AFF2: variants seen among roughly 807,000 people sequenced by gnomAD.
AFF2 encodes the protein ALF transcription elongation factor 2, also known as AF4/FMR2 family member 2.
Under a neutral mutation model 76.9 loss-of-function variants are expected in AFF2, and 14 were observed. That is an observed-to-expected ratio of 0.18 (90% CI 0.12 to 0.28). AFF2 has a LOEUF of 0.28. Among genes scored for constraint, AFF2 ranks in the 10% least tolerant of loss-of-function variants. AFF2 has a pLI of 1.00. For missense variants in AFF2, 868 were observed against 1,001.1 expected, an observed-to-expected ratio of 0.87 and a Z score of 1.79; for synonymous variants, 398 against 366.7, an observed-to-expected ratio of 1.09 and a Z score of -0.98.
rs189569346 is a variant in AFF2, at chrX:148,825,331, T to A, written c.1087-12316T>A. Among the ~76,000 whole-genome samples, 45 of 111,873 alleles carry A rather than the reference T, an allele frequency of 4.0e-4. No individual in the cohort carries two copies. The East Asian group carries it at 0.011, about 28-fold the overall frequency. On this transcript the variant is annotated intron_variant, in intron 4 of 20. Coordinates refer to ENST00000370460, the MANE Select transcript of AFF2 (RefSeq NM_002025.4). ...GAGAACAAGAAAAACTACTTCTCTGTATTATTGAGTGGATTAAATATGGTA... is the reference window on the plus strand; with the variant it reads ...GAGAACAAGAAAAACTACTTCTCTGAATTATTGAGTGGATTAAATATGGTA...
At chrX:148,750,312 CT>C (rs1263667312) in intron 3 of AFF2, among the ~76,000 whole-genome samples, 1 of 111,339 alleles carries the variant, frequency 9.0e-6, no homozygotes, top group African/African-American at 3.3e-5. Flanking sequence ...ATGCAGTCGT[CT>C]TTTCTGGGAC....
chrX:148,614,481 C>T (rs1271298859), intron 1 of AFF2, among the ~76,000 whole-genome samples: 1 of 111,189 alleles, frequency 9.0e-6, no homozygotes, highest in Non-Finnish European at 1.9e-5. Context: ...TTACCTCATC[C>T]TAGCCAGCAG....
At position 148,967,719 on chromosome X, in the gene AFF2, G is replaced by A. The variant is rs553990896; in HGVS notation, c.3267+27G>A. 5.3e-4 allele frequency: 628 copies of A among 1,177,159 alleles called. 2 individuals are homozygous for A. The South Asian group carries it at 0.011, about 21-fold the overall frequency. On this transcript the variant is annotated intron_variant, in intron 15 of 20. Transcript: ENST00000370460. ...TAAGTTTCCTTTTTCTCATTGCTTT[G>A]TTCCTATTAAGGATTTATGTTTCAA...
chrX:148,958,550 A>T lies in AFF2; in HGVS notation c.2690+92A>T, dbSNP rs2072070383. On this transcript the variant is annotated intron_variant, in intron 12 of 20. Transcript: ENST00000370460. ...GAACCTGTTTGGGGGATCTTGCCCCAGAAGACTTTAAGGTAAAAAACAGGA... is the reference window on the plus strand; with the variant it reads ...GAACCTGTTTGGGGGATCTTGCCCCTGAAGACTTTAAGGTAAAAAACAGGA... 3.7e-6 allele frequency: 4 copies of T among 1,086,449 alleles called. No homozygotes were observed. In the African/African-American group the frequency reaches 5.6e-5, roughly 15 times the overall value. The allele number at this position is 1,086,449 out of a possible 1,213,427, so 89.5% of individuals were successfully genotyped here.
At position 148,991,497 on chromosome X, in the gene AFF2, A is replaced by G; in HGVS notation, c.*165A>G. 2 of 595,329 alleles carry G rather than the reference A, an allele frequency of 3.4e-6. No individual in the cohort carries two copies. Among genetic ancestry groups the G allele is most frequent in the Admixed American group, 4.4e-5 (1 of 22,820 alleles). The allele number at this position is 595,329 out of a possible 1,213,427, so 49.1% of individuals were successfully genotyped here. A position where few individuals can be genotyped will look rare whatever the true frequency, so the allele number is the denominator to read the frequency against. ...AAAACAGAAGTCATTGTAAGTTGACACTACAACTTAAGGGCAGTGTACGTT... is the reference window on the plus strand; with the variant it reads ...AAAACAGAAGTCATTGTAAGTTGACGCTACAACTTAAGGGCAGTGTACGTT... On this transcript the variant is annotated 3_prime_UTR_variant, in exon 21 of 21. Transcript: ENST00000370460.
intron 1 of AFF2, among the ~76,000 whole-genome samples, chrX:148,560,027 G>A (rs1557240307): frequency 8.9e-6 from 1 of 112,173 alleles, no homozygotes; most frequent in Non-Finnish European, 1.9e-5. Flanking sequence ...CTAATGACCA[G>A]TGATGGTGAG....
At chrX:148,606,439 G>T (rs1268799773) in intron 1 of AFF2, among the ~76,000 whole-genome samples, 1 of 110,243 alleles carries the variant, frequency 9.1e-6, no homozygotes, top group African/African-American at 3.3e-5. Flanking sequence ...ACTAAGGAAA[G>T]GTAGTCAGAG....
At chrX:148,539,096 G>A in intron 1 of AFF2, among the ~76,000 whole-genome samples, 1 of 111,633 alleles carries the variant, frequency 9.0e-6, no homozygotes, top group Middle Eastern at 4.7e-3. Context: ...GCATGTGATG[G>A]GTTATAGAGT....
At chrX:148,630,829 C>G (rs1362191161) in intron 1 of AFF2, among the ~76,000 whole-genome samples, 1 of 112,194 alleles carries the variant, frequency 8.9e-6, no homozygotes, top group Non-Finnish European at 1.9e-5. Context: ...ACCTGTTCTT[C>G]ATAGCTGCCA....
In AFF2 at chrX:148,971,964, C is replaced by T. The variant is rs1435741297; in HGVS notation, c.3268-1507C>T. ...ACAGTCCCCAGAGTGTGATATTCCC[C>T]TTCCTGTGTCCATGTGATCTCATTG... is the stretch of plus-strand genomic sequence containing the variant. On this transcript the variant is annotated intron_variant, in intron 15 of 20. Transcript: ENST00000370460. 5.8e-3 allele frequency among the ~76,000 whole-genome samples: 136 copies of T among 23,506 alleles called. 1 individual carries two copies. Among genetic ancestry groups the T allele is most frequent in the African/African-American group, 0.021 (109 of 5,173 alleles). 20.4% of individuals were successfully genotyped at this position (23,506 alleles called of 115,157 possible).
chrX:148,648,561 CAAAAAAA>C (rs1241628949), intron 1 of AFF2, among the ~76,000 whole-genome samples: 25 of 23,051 alleles, frequency 1.1e-3, no homozygotes, highest in South Asian at 2.9e-3. Context: ...AAAACTCCGT[CAAAAAAA>C]AAAAAAAAAA....
Position 148,614,738 on chromosome X carries a change from T to TTTTCTTTCTTTCTTTCTTTC in AFF2, c.48-37226_48-37207dup, listed in dbSNP as rs563984440. Among the ~76,000 whole-genome samples the TTTTCTTTCTTTCTTTCTTTC allele has an allele frequency of 1.4e-4, 8 of 55,286 alleles. No homozygotes were observed. In the East Asian group the frequency reaches 1.6e-3, roughly 11 times the overall value. The allele number at this position is 55,286 out of a possible 115,157, so 48.0% of individuals were successfully genotyped here. ...CTTTCTTTCTTTCTTTCTTTCCTTC[T>TTTTCTTTCTTTCTTTCTTTC]TTTCTTTCTTTCTTTCTTTCTTTCT... On this transcript the variant is annotated intron_variant, in intron 1 of 20. Transcript: ENST00000370460.
intron 11 of AFF2, among the ~76,000 whole-genome samples, chrX:148,957,616 G>A (rs368711931): frequency 1.8e-5 from 2 of 112,302 alleles, no homozygotes; most frequent in East Asian, 5.6e-4. Flanking sequence ...TTCAGATTTT[G>A]GATTTTTGAA....
Position 148,955,935 on chromosome X carries a change from G to A in AFF2, c.1890G>A (p.Gln630=). 1.7e-6 allele frequency: 2 copies of A among 1,211,397 alleles called. No homozygotes were observed. Among genetic ancestry groups the A allele is most frequent in the Non-Finnish European group, 2.2e-6 (2 of 895,487 alleles). The change falls in exon 11 of 21, where the codon CAG becomes CAA. Residue 630 remains glutamine, a synonymous_variant. Coordinates refer to ENST00000370460, the MANE Select transcript of AFF2 (RefSeq NM_002025.4). ...CTCAAAGGACAATTGGGAAAAAACA[G>A]CCCAAAAAAGTTGAGAAGAACACCA... is the stretch of plus-strand genomic sequence containing the variant. ...TVSQRTIGKK[Q]PKKVEKNTST...
At chrX:148,718,048 C>T (rs1198773459) in intron 3 of AFF2, among the ~76,000 whole-genome samples, 1 of 108,231 alleles carries the variant, frequency 9.2e-6, no homozygotes, top group Admixed American at 9.9e-5. Context: ...ACATAGAATG[C>T]ATCTTTCAGT....
chrX:148,694,982 A>AT (rs1171987549), intron 3 of AFF2, among the ~76,000 whole-genome samples: 2 of 108,854 alleles, frequency 1.8e-5, no homozygotes, highest in African/African-American at 3.4e-5. Flanking sequence ...TGCTCGGCTA[A>AT]TTTTTTTGTC....
intron 1 of AFF2, among the ~76,000 whole-genome samples, chrX:148,543,634 T>TA (rs1203976026): frequency 8.9e-6 from 1 of 112,031 alleles, no homozygotes; most frequent in Non-Finnish European, 1.9e-5. Context: ...TCTGGAGATG[T>TA]AATTGCCTAG....
chrX:148,869,154 C>G (rs1301891806), intron 7 of AFF2, among the ~76,000 whole-genome samples: 2 of 111,889 alleles, frequency 1.8e-5, no homozygotes, highest in Non-Finnish European at 3.8e-5. Context: ...TAAGAAATAT[C>G]TAGAATAGGC....
intron 1 of AFF2, among the ~76,000 whole-genome samples, chrX:148,606,849 G>A (rs1368606391): frequency 9.0e-6 from 1 of 111,383 alleles, no homozygotes; most frequent in Non-Finnish European, 1.9e-5. Context: ...TCCTGGTTGA[G>A]ACAATGACAC....
Sources: gnomAD v4.1 joint callset for allele counts (sites outside exome capture counted in the v4.1 genomes callset) on GRCh38, gnomAD v4.1.1 for gene constraint, MANE v1.5 for transcripts, NCBI Gene and HGNC (gene_info 2026-07-23, HGNC 2026-07-21) for gene names.